Variants in NRAS observed in about 807,000 individuals in gnomAD.
NRAS encodes the protein GTPase NRas.
Under a neutral mutation model 21.3 loss-of-function variants are expected in NRAS, and 6 were observed. The ratio of observed to expected loss-of-function variants is 0.28; its 90% CI spans 0.15 to 0.56. The LOEUF (loss-of-function observed/expected upper bound fraction) is 0.56. Ranked by LOEUF, NRAS falls within the 20% of genes least tolerant of loss-of-function variation. The pLI, the probability that NRAS is intolerant of heterozygous loss-of-function variation, is 0.93. For synonymous variants in NRAS, 84 were observed against 82.0 expected (o/e 1.02, Z -0.13); for missense variants, 143 against 231.3 (o/e 0.62, Z 2.48).
At chr1:114,716,244 A>C in intron 1 of NRAS, 67 bp from the exon 2 acceptor site, 1 of 925,994 alleles carries the variant, frequency 1.1e-6, no homozygotes, top group Non-Finnish European at 1.8e-6. Flanking sequence ...GCTTTCTATA[A>C]TCAATGGAAA....
At chr1:114,708,422 G>A in intron 5 of NRAS, 109 bp downstream of exon 5, 1 of 994,718 alleles carries the variant, frequency 1.0e-6, no homozygotes, top group Admixed American at 1.7e-5. Flanking sequence ...GTGCAGAAGA[G>A]GATAGGCAGA....
In NRAS at chr1:114,716,690, T is replaced by C. The variant is rs61758211; in HGVS notation, c.-50A>G. 6.7e-3 allele frequency: 1,165 copies of C among 174,332 alleles called. 7 individuals carry two copies. The highest frequency in any genetic ancestry group is 0.01 in the Non-Finnish European group (803 of 79,106). The allele number at this position is 174,332 out of a possible 1,614,324, so 10.8% of individuals were successfully genotyped here. A position where few individuals can be genotyped will look rare whatever the true frequency, so the allele number is the denominator to read the frequency against. On this transcript the variant is annotated 5_prime_UTR_variant, in exon 1 of 7. Transcript: ENST00000369535. The stretch of plus-strand genomic sequence containing the variant: ...TCCACTGCCTCTGCTTTGGACAGAT[T>C]TAGGACCACAGCCGGGAAAAATGTT...
chr1:114,709,647 T>C lies in NRAS; in HGVS notation c.372A>G (p.Thr124=), dbSNP rs774149383. The C allele has an allele frequency of 2.5e-6, 4 of 1,613,798 alleles. No individual in the cohort carries two copies. Among genetic ancestry groups the C allele is most frequent in the South Asian group, 2.2e-5 (2 of 91,078 alleles). The change falls in exon 4 of 7, where the codon ACA becomes ACG. Residue 124 remains threonine, a synonymous_variant. Transcript: ENST00000369535. ...GTTCGTGGGCTTGTTTTGTATCAAC[T>C]GTCCTTGTTGGCAAATCACACTTGT... ...VGNKCDLPTR[T]VDTKQAHELA...
At chr1:114,716,514 T>G (rs955985000) in intron 1 of NRAS, 144 bp downstream of exon 1, 1 of 370,552 alleles carries the variant, frequency 2.7e-6, no homozygotes, top group African/African-American at 2.1e-5. Context: ...TCTCCAAAGA[T>G]CTCCCCACGT....
At chr1:114,709,441 A>C (rs1658991036) in intron 4 of NRAS, 128 bp downstream of exon 4, 1 of 814,416 alleles carries the variant, frequency 1.2e-6, no homozygotes, top group Non-Finnish European at 2.0e-6. Context: ...CCTAAAAAAA[A>C]ATAAAAAATA....
intron 2 of NRAS, among the ~76,000 whole-genome samples, chr1:114,714,294 T>C (rs1430020865): frequency 6.6e-6 from 1 of 152,234 alleles, no homozygotes; most frequent in East Asian, 1.9e-4. Context: ...AGGCTACAGA[T>C]TAAGTACCCA....
rs184706242 is a variant in NRAS at position 114,704,548 on chromosome 1, G to T, written c.*3546C>A. The T allele has an allele frequency of 1.3e-5, 2 of 152,234 alleles. No homozygotes were observed. The highest frequency in any genetic ancestry group is 1.9e-4 in the East Asian group (1 of 5,192). 9.4% of individuals were successfully genotyped at this position (152,234 alleles called of 1,614,324 possible). A position where few individuals can be genotyped will look rare whatever the true frequency, so the allele number is the denominator to read the frequency against. ...AAAAAACATTCAACCAAATTAAAAA[G>T]AACTAGGTTGGATTAATTTACAATA... On this transcript the variant is annotated 3_prime_UTR_variant, in exon 7 of 7. Transcript: ENST00000369535.
rs72994453 is a variant in NRAS at position 114,711,786 on chromosome 1, G to T, written c.290+2014C>A. ...AAGGCACACCACACAGCACACCTGG[G>T]AAACAATTGCTTTAGATTGTCTTGA... On this transcript the variant is annotated intron_variant, in intron 3 of 6. Transcript: ENST00000369535. 1.5e-3 allele frequency among the ~76,000 whole-genome samples: 235 copies of T among 152,194 alleles called. 1 individual carries two copies. Among genetic ancestry groups the T allele is most frequent in the African/African-American group, 5.3e-3 (222 of 41,524 alleles).
chr1:114,716,554 G>A, intron 1 of NRAS, 104 bp downstream of exon 1: 1 of 348,200 alleles, frequency 2.9e-6, no homozygotes, highest in African/African-American at 2.1e-5. Context: ...CCCCGCCCAA[G>A]GCCTTTGTCT....
chr1:114,705,447 A>G lies in NRAS; in HGVS notation c.*2647T>C, dbSNP rs1297156357. On this transcript the variant is annotated 3_prime_UTR_variant, in exon 7 of 7. Coordinates refer to ENST00000369535, the MANE Select transcript of NRAS (RefSeq NM_002524.5). ...TTTAAAAAAACCAAAAGGAATATGT[A>G]ATTTATGACAGCTGGCCAGGCACTT... 1 of 152,226 alleles carries G rather than the reference A, an allele frequency of 6.6e-6. No individual in the cohort carries two copies. The highest frequency in any genetic ancestry group is 1.5e-5 in the Non-Finnish European group (1 of 68,034). 9.4% of individuals were successfully genotyped at this position (152,226 alleles called of 1,614,324 possible).
At chr1:114,710,121 G>C (rs1477765470) in intron 3 of NRAS, among the ~76,000 whole-genome samples, 1 of 150,954 alleles carries the variant, frequency 6.6e-6, no homozygotes, top group Non-Finnish European at 1.5e-5. Context: ...AACCTGGGAG[G>C]CGAAGATTGC....
At chr1:114,711,310 A>C (rs931082760) in intron 3 of NRAS, among the ~76,000 whole-genome samples, 2 of 152,062 alleles carry the variant, frequency 1.3e-5, no homozygotes, top group Admixed American at 6.6e-5. Context: ...CTAAAAAACT[A>C]AAACAGGCCG....
intron 5 of NRAS, 91 bp from the exon 6 acceptor site, chr1:114,708,283 G>A: frequency 3.8e-6 from 2 of 526,672 alleles, no homozygotes; most frequent in South Asian, 4.5e-5. Flanking sequence ...AATAGGGTAT[G>A]CCTACATTTC....
intron 1 of NRAS, among the ~76,000 whole-genome samples, 182 bp downstream of exon 1, chr1:114,716,476 C>G (rs1659170940): frequency 6.6e-6 from 1 of 152,160 alleles, no homozygotes; most frequent in Non-Finnish European, 1.5e-5. Flanking sequence ...AGCCTCCAGG[C>G]CGCAACTCCT....
In NRAS at chr1:114,715,324, A is replaced by G. The variant is rs576810373; in HGVS notation, c.111+726T>C. Among the ~76,000 whole-genome samples the G allele has an allele frequency of 2.0e-5, 3 of 152,222 alleles. No individual in the cohort carries two copies. In the South Asian group the frequency reaches 6.2e-4, roughly 32 times the overall value. On this transcript the variant is annotated intron_variant, in intron 2 of 6. Transcript: ENST00000369535. ...ACAGGCGTGAGCCACCGTGTCCGGC[A>G]AAACCCTTTATTTAAAGAGCCTTAG...
At chr1:114,711,500 C>G (rs1659043719) in intron 3 of NRAS, among the ~76,000 whole-genome samples, 1 of 151,558 alleles carries the variant, frequency 6.6e-6, no homozygotes, top group Non-Finnish European at 1.5e-5. Context: ...ACTCGGGAAG[C>G]TGAGGCAGGA....
Position 114,707,555 on chromosome 1 carries a change from C to CGCA in NRAS, c.*538_*539insTGC. The CGCA allele has an allele frequency of 6.6e-6, 1 of 152,528 alleles. No individual in the cohort carries two copies. The highest frequency in any genetic ancestry group is 1.9e-4 in the East Asian group (1 of 5,182). The allele number at this position is 152,528 out of a possible 1,614,324, so 9.4% of individuals were successfully genotyped here. A position where few individuals can be genotyped will look rare whatever the true frequency, so the allele number is the denominator to read the frequency against. On this transcript the variant is annotated 3_prime_UTR_variant, in exon 7 of 7. Transcript: ENST00000369535. Reference sequence around the variant, plus strand: ...TGTATTTATGAATCTAGAGCAGATGCCAGTTTAGAGAATAGAGCCGATAAC... The same window carrying CGCA: ...TGTATTTATGAATCTAGAGCAGATGCGCACAGTTTAGAGAATAGAGCCGATAAC...
At chr1:114,708,933 C>A (rs1570870684) in intron 4 of NRAS, among the ~76,000 whole-genome samples, 1 of 152,314 alleles carries the variant, frequency 6.6e-6, no homozygotes, top group East Asian at 1.9e-4. Flanking sequence ...AACAAAACTA[C>A]ATTAAACTAA....
chr1:114,711,812 C>T (rs1368333669), intron 3 of NRAS, among the ~76,000 whole-genome samples: 1 of 152,096 alleles, frequency 6.6e-6, no homozygotes, highest in East Asian at 1.9e-4. Context: ...ATTGTCTTGA[C>T]CAACACAATC....
Sources: allele counts gnomAD v4.1 joint callset (sites outside exome capture counted in the v4.1 genomes callset), GRCh38; gene constraint gnomAD v4.1.1; transcripts MANE v1.5; gene names NCBI Gene and HGNC (gene_info 2026-07-23, HGNC 2026-07-21).